The following HDHD5 variants were observed in gnomAD, a reference collection of about 807,000 sequenced individuals.
HDHD5 encodes the protein haloacid dehalogenase like hydrolase domain containing 5.
HDHD5 carries 34 observed loss-of-function variants against 35.5 expected under a neutral mutation model. The observed-to-expected ratio is 0.96, with a 90% CI of 0.73 to 1.28. The LOEUF is 1.28. Among genes scored for constraint, HDHD5 ranks in the 50% most tolerant of loss-of-function variants. HDHD5 has a pLI of 0.00. For missense variants in HDHD5, 589 were observed against 560.2 expected (o/e 1.05, Z -0.52); for synonymous variants, 248 against 240.6 (o/e 1.03, Z -0.29).
At chr22:17,161,738 A>G (rs73149864), upstream of HDHD5, among the ~76,000 whole-genome samples, 788 of 152,028 alleles carry the variant, frequency 5.2e-3, 4 homozygotes, top group Non-Finnish European at 8.5e-3. Context: ...TTAGCCAGGC[A>G]TAGTGACACA....
At chr22:17,144,525 T>C (rs2061636600) in intron 4 of HDHD5, among the ~76,000 whole-genome samples, 1 of 150,738 alleles carries the variant, frequency 6.6e-6, no homozygotes, top group Non-Finnish European at 1.5e-5. Context: ...GTTATTCTCC[T>C]GCCTCTGCCT....
intron 2 of HDHD5, among the ~76,000 whole-genome samples, chr22:17,149,007 C>A (rs2061696350): frequency 6.6e-6 from 1 of 152,188 alleles, no homozygotes; most frequent in African/African-American, 2.4e-5. Context: ...TTTTGGAATT[C>A]TCTCTGGAAA....
At chr22:17,149,195 T>C (rs1265933600) in intron 2 of HDHD5, among the ~76,000 whole-genome samples, 3 of 152,112 alleles carry the variant, frequency 2.0e-5, no homozygotes. Flanking sequence ...GGGCTGCAGG[T>C]GGCTGAGGAG....
At chr22:17,146,572 C>T (rs1285708138) in intron 3 of HDHD5, among the ~76,000 whole-genome samples, 2 of 80,962 alleles carry the variant, frequency 2.5e-5, no homozygotes, top group African/African-American at 1.0e-4. Flanking sequence ...AGCTTACCGG[C>T]CTTCGATCAC....
chr22:17,151,707 G>A (rs2061726656), intron 1 of HDHD5, among the ~76,000 whole-genome samples: 1 of 139,124 alleles, frequency 7.2e-6, no homozygotes, highest in African/African-American at 2.7e-5. Flanking sequence ...TTAAGCCTGG[G>A]CGACAAAGCT....
intron 6 of HDHD5, 93 bp from the exon 7 acceptor site, chr22:17,138,831 G>A: frequency 7.2e-7 from 1 of 1,392,144 alleles, no homozygotes; most frequent in East Asian, 2.3e-5. Context: ...CAAACACACA[G>A]ACCAGCCTTT....
At chr22:17,160,799 A>G (rs1459967160), upstream of HDHD5, among the ~76,000 whole-genome samples, 3 of 152,192 alleles carry the variant, frequency 2.0e-5, no homozygotes, top group African/African-American at 7.2e-5. Context: ...CAAACTCACA[A>G]TAGCCCGACA....
rs768584981 is a variant in HDHD5 at position 17,141,109 on chromosome 22, G to C, written c.696C>G (p.Val232=). 1.3e-6 allele frequency: 2 copies of C among 1,595,768 alleles called. No homozygotes were observed. The highest frequency in any genetic ancestry group is 2.7e-5 in the African/African-American group (2 of 73,478). ...LATPPYPHLP[V]LASNMDLLWM... Reference sequence around the variant, plus strand: ...ACAGGAGATCCATGTTGCTGGCTAGGACGGGGAGGTGGGGGTAGGGGGGTG... The same window carrying C: ...ACAGGAGATCCATGTTGCTGGCTAGCACGGGGAGGTGGGGGTAGGGGGGTG... Residue 232 remains valine (V), a synonymous_variant, in exon 6 of 8, where the codon GTC becomes GTG. Transcript: ENST00000336737.
At position 17,145,049 on chromosome 22, in the gene HDHD5, T is replaced by C; in HGVS notation, c.512A>G (p.Asp171Gly). Residue 171 changes from aspartate to glycine, a missense_variant, in exon 4 of 8, where the codon GAC becomes GGC. Physicochemically the swap from Asp to Gly is moderately conservative, Grantham distance 94. Coordinates refer to ENST00000336737, the MANE Select transcript of HDHD5 (RefSeq NM_033070.3). ...RMAFPLLDMV[D>G]LERRLKTTPL... ...CGTGGTCTTTAGCCGCCGCTCCAGG[T>C]CCACCATGTCAAGCAGAGGAAAGGC... The C allele has an allele frequency of 1.9e-6, 3 of 1,613,742 alleles. No homozygotes were observed. The highest frequency in any genetic ancestry group is 1.3e-5 in the African/African-American group (1 of 74,882).
chr22:17,159,196 C>G lies in HDHD5; in HGVS notation c.56G>C (p.Arg19Pro), dbSNP rs2061839789. ...ALGAARGLCW[R>P]AARAAAGLQG... ...GAGCCCCGCAGCCGCGCGCGCCGCC[C>G]GCCAGCAAAGCCCACGCGCCGCGCC... Residue 19 changes from arginine to proline, a missense_variant, in exon 1 of 8, where the codon CGG becomes CCG. Arg to Pro is a moderately radical substitution (Grantham distance 103). Coordinates refer to ENST00000336737, the MANE Select transcript of HDHD5 (RefSeq NM_033070.3). 1 of 1,216,874 alleles carries G rather than the reference C, an allele frequency of 8.2e-7. No homozygotes were observed. Among genetic ancestry groups the G allele is most frequent in the Non-Finnish European group, 1.0e-6 (1 of 978,578 alleles). The allele number at this position is 1,216,874 out of a possible 1,614,324, so 75.4% of individuals were successfully genotyped here.
At chr22:17,146,311 G>A (rs1237888945) in intron 3 of HDHD5, among the ~76,000 whole-genome samples, 3 of 150,650 alleles carry the variant, frequency 2.0e-5, no homozygotes, top group African/African-American at 7.3e-5. Context: ...GCGCCCTCCT[G>A]TGAGCTTACC....
intron 1 of HDHD5, 51 bp from the exon 2 acceptor site, chr22:17,149,796 C>A (rs761961848): frequency 2.3e-5 from 36 of 1,543,202 alleles, no homozygotes; most frequent in Non-Finnish European, 2.9e-5. Context: ...AAGAAACAAC[C>A]CTTACAAAGA....
At chr22:17,138,426 G>C (rs1235799666) in intron 7 of HDHD5, 69 bp from the exon 8 acceptor site, 108 of 1,566,634 alleles carry the variant, frequency 6.9e-5, no homozygotes, top group Non-Finnish European at 8.9e-5. Flanking sequence ...GCAAAGCAAA[G>C]GGAGCAGAGA....
chr22:17,159,145 T>G lies in HDHD5; in HGVS notation c.107A>C (p.Tyr36Ser). The change falls in exon 1 of 8, where the codon TAT becomes TCT. Residue 36 changes from tyrosine to serine, a missense_variant. Physicochemically the swap from Tyr to Ser is moderately radical, Grantham distance 144. Transcript: ENST00000336737. ...CCTCACCTGAGCGGGGCCCACAGCATAGCACCTGCGGGCGGGGCGGCCCTG... is the reference window on the plus strand; with the variant it reads ...CCTCACCTGAGCGGGGCCCACAGCAGAGCACCTGCGGGCGGGGCGGCCCTG... ...GLQGRPARRC[Y>S]AVGPAQSPPT... is the part of the protein sequence containing the mutation. The G allele has an allele frequency of 8.1e-7, 1 of 1,227,952 alleles. No homozygotes were observed. The highest frequency in any genetic ancestry group is 1.0e-6 in the Non-Finnish European group (1 of 983,560). The allele number at this position is 1,227,952 out of a possible 1,614,324, so 76.1% of individuals were successfully genotyped here. A position where few individuals can be genotyped will look rare whatever the true frequency, so the allele number is the denominator to read the frequency against.
chr22:17,159,392 T>A (rs775351488), upstream of HDHD5: 27 of 968,114 alleles, frequency 2.8e-5, no homozygotes, highest in Middle Eastern at 1.0e-3. Context: ...GTCGGGCGCC[T>A]ATGGAACTCG....
intron 1 of HDHD5, among the ~76,000 whole-genome samples, chr22:17,157,402 A>C (rs772316279): frequency 7.9e-5 from 12 of 151,438 alleles, no homozygotes; most frequent in Non-Finnish European, 1.5e-4. Context: ...AGTAGCTGGG[A>C]TTACAAGTAA....
At position 17,165,072 on chromosome 22, in the gene HDHD5, G is replaced by T. The variant is rs553591525; in HGVS notation, c.36+137C>A. On this transcript the variant is annotated intron_variant, in intron 1 of 7. Coordinates refer to the HDHD5 transcript ENST00000155674. ...CACATACACACTCAGTCTTGCTGAGGGAGAATTCTGAGAAGGTGGAGTTCT... is the reference window on the plus strand; with the variant it reads ...CACATACACACTCAGTCTTGCTGAGTGAGAATTCTGAGAAGGTGGAGTTCT... 517 of 678,790 alleles carry T rather than the reference G, an allele frequency of 7.6e-4. 8 individuals carry two copies. In the South Asian group the frequency reaches 7.8e-3, roughly 10 times the overall value. The allele number at this position is 678,790 out of a possible 1,614,324, so 42.0% of individuals were successfully genotyped here.
At chr22:17,154,984 A>C (rs11912533) in intron 1 of HDHD5, among the ~76,000 whole-genome samples, 3,054 of 152,206 alleles carry the variant, frequency 0.02, 47 homozygotes, top group Non-Finnish European at 0.034. Flanking sequence ...AAATGACAAG[A>C]AATCAGAGAT....
chr22:17,145,313 G>C (rs1332015470), intron 3 of HDHD5, 196 bp from the exon 4 acceptor site: 1 of 455,914 alleles, frequency 2.2e-6, no homozygotes, highest in Non-Finnish European at 2.9e-6. Context: ...GTAGAGTAGA[G>C]AGGGCAGCTC....
Sources: allele counts gnomAD v4.1 joint callset (sites outside exome capture counted in the v4.1 genomes callset), GRCh38; gene constraint gnomAD v4.1.1; transcripts MANE v1.5; gene names NCBI Gene and HGNC (gene_info 2026-07-23, HGNC 2026-07-21).